Variants in SOS2 observed in about 807,000 individuals in gnomAD.
SOS2 encodes son of sevenless homolog 2.
SOS2 carries 65 observed loss-of-function variants against 148.2 expected under a neutral mutation model. The ratio of observed to expected loss-of-function variants is 0.44; its 90% CI spans 0.36 to 0.54. SOS2 has a LOEUF of 0.54. Among genes scored for constraint, SOS2 ranks in the 20% least tolerant of loss-of-function variants. The probability of loss-of-function intolerance (pLI) is 0.00; values close to 1 mark genes in which losing one functional copy is unlikely to be tolerated. For synonymous variants in SOS2, 539 were observed against 537.1 expected (o/e 1.00, Z -0.05); for missense variants, 1,341 against 1,590.2 (o/e 0.84, Z 2.67).
At position 50,215,829 on chromosome 14, in the gene SOS2, G is replaced by C. The variant is rs141251069; in HGVS notation, c.88-11420C>G. ...CCTGATAAACCACTACATTTGACAA[G>C]TTATAGAAATGTTATTTCCTAATTT... On this transcript the variant is annotated intron_variant, in intron 1 of 22. Transcript: ENST00000216373. Among the ~76,000 whole-genome samples the C allele has an allele frequency of 1.1e-3, 165 of 152,232 alleles. 2 individuals are homozygous for C. Among genetic ancestry groups the C allele is most frequent in the African/African-American group, 3.0e-3 (123 of 41,556 alleles).
chr14:50,138,996 A>G (rs1365230947), intron 17 of SOS2, among the ~76,000 whole-genome samples: 1 of 152,134 alleles, frequency 6.6e-6, no homozygotes, highest in Non-Finnish European at 1.5e-5. Flanking sequence ...AAAAGAAAAT[A>G]AAAGCTACTG....
Position 50,213,272 on chromosome 14 carries a change from G to A in SOS2, c.88-8863C>T, listed in dbSNP as rs1428277292. ...TGCAATGGGATGAAAATCTTGATAGGATATTTAGAAAACTGGTAAAAAGTT... is the reference window on the plus strand; with the variant it reads ...TGCAATGGGATGAAAATCTTGATAGAATATTTAGAAAACTGGTAAAAAGTT... On this transcript the variant is annotated intron_variant, in intron 1 of 22. Transcript: ENST00000216373. Among the ~76,000 whole-genome samples the A allele has an allele frequency of 2.0e-5, 3 of 152,250 alleles. No homozygotes were observed. In the East Asian group the frequency reaches 5.8e-4, roughly 29 times the overall value.
intron 14 of SOS2, 55 bp from the exon 15 acceptor site, chr14:50,145,651 A>G (rs1032833133): frequency 8.6e-6 from 10 of 1,165,864 alleles, no homozygotes; most frequent in Non-Finnish European, 1.2e-5. Flanking sequence ...TATTACTTAA[A>G]GATCTTCTAA....
At chr14:50,206,541 G>C (rs1421448423) in intron 1 of SOS2, among the ~76,000 whole-genome samples, 1 of 152,180 alleles carries the variant, frequency 6.6e-6, no homozygotes, top group Non-Finnish European at 1.5e-5. Flanking sequence ...AATGACAAGA[G>C]AAAAGTCTGT....
At chr14:50,164,647 AG>A (rs1885115877) in intron 8 of SOS2, among the ~76,000 whole-genome samples, 1 of 151,892 alleles carries the variant, frequency 6.6e-6, no homozygotes, top group South Asian at 2.1e-4. Context: ...AAAAAAAGAA[AG>A]AAAAAGAAAA....
At chr14:50,161,675 T>C (rs1206669613) in intron 8 of SOS2, 66 bp from the exon 9 acceptor site, 4 of 1,466,002 alleles carry the variant, frequency 2.7e-6, no homozygotes, top group Middle Eastern at 1.8e-4. Flanking sequence ...TTTCTAGTAA[T>C]AGAAAAAGCA....
At chr14:50,136,542 AG>A (rs1362172344) in intron 18 of SOS2, among the ~76,000 whole-genome samples, 3 of 152,084 alleles carry the variant, frequency 2.0e-5, no homozygotes, top group Admixed American at 1.3e-4. Flanking sequence ...GGGATGAAAT[AG>A]GTCACCATCA....
At position 50,150,129 on chromosome 14, in the gene SOS2, G is replaced by C. The variant is rs768066838; in HGVS notation, c.2263C>G (p.Pro755Ala). The C allele has an allele frequency of 1.2e-6, 2 of 1,612,756 alleles. No homozygotes were observed. Among genetic ancestry groups the C allele is most frequent in the Non-Finnish European group, 1.7e-6 (2 of 1,178,876 alleles). The change falls in exon 14 of 23, where the codon CCA becomes GCA. Residue 755 changes from proline (P) to alanine (A), a missense_variant. Coordinates refer to ENST00000216373, the MANE Select transcript of SOS2 (RefSeq NM_006939.4). ...GVSHNITFES[P>A]PPPIEWHISK... ...ATATGCCATTCAATTGGTGGAGGTG[G>C]ACTTTCAAAGGTAATATTATGGCTT...
chr14:50,130,531 A>C lies in SOS2; in HGVS notation c.3307T>G (p.Phe1103Val), dbSNP rs1227392390. ...GAGCTGTTGAGATCCACATCTAAAA[A>C]TACACTAAGGTCTGAAGAAGCAGAT... Reference protein sequence around the residue: ...PVSASSDLSVFLDVDLNSSCG... With the variant: ...PVSASSDLSVVLDVDLNSSCG... The change falls in exon 20 of 23, where the codon TTT becomes GTT. Residue 1103 changes from phenylalanine to valine, a missense_variant. Coordinates refer to ENST00000216373, the MANE Select transcript of SOS2 (RefSeq NM_006939.4). 1 of 1,614,064 alleles carries C rather than the reference A, an allele frequency of 6.2e-7. No homozygotes were observed. Among genetic ancestry groups the C allele is most frequent in the Admixed American group, 1.7e-5 (1 of 60,012 alleles).
Position 50,172,422 on chromosome 14 carries a change from T to TTTTTTTTTTA in SOS2, c.1068+2031_1068+2032insTAAAAAAAAA, listed in dbSNP as rs1885394894. 1.5e-5 allele frequency among the ~76,000 whole-genome samples: 2 copies of TTTTTTTTTTA among 131,876 alleles called. 1 individual carries two copies. Among genetic ancestry groups the TTTTTTTTTTA allele is most frequent in the Non-Finnish European group, 3.3e-5 (2 of 61,368 alleles). 86.5% of individuals were successfully genotyped at this position (131,876 alleles called of 152,430 possible). On this transcript the variant is annotated intron_variant, in intron 8 of 22. Transcript: ENST00000216373. ...GGTAGTTTCTCTTTATTCATTCCTTTTTTTTTTTTTTCTGAGATGGAGTCT... is the reference window on the plus strand; with the variant it reads ...GGTAGTTTCTCTTTATTCATTCCTTTTTTTTTTTTATTTTTTTTTTTCTGAGATGGAGTCT...
chr14:50,224,128 TA>T lies in SOS2; in HGVS notation c.87+7068del, dbSNP rs886850720. ...TGAAACCCCATTTCTACTAAAAATATAAAAAAAAAAAAATTAACCAGACGTG... is the reference window on the plus strand; with the variant it reads ...TGAAACCCCATTTCTACTAAAAATATAAAAAAAAAAAATTAACCAGACGTG... On this transcript the variant is annotated intron_variant, in intron 1 of 22. Coordinates refer to ENST00000216373, the MANE Select transcript of SOS2 (RefSeq NM_006939.4). 6.7e-3 allele frequency among the ~76,000 whole-genome samples: 913 copies of T among 137,120 alleles called. 6 individuals carry two copies. Among genetic ancestry groups the T allele is most frequent in the African/African-American group, 0.018 (674 of 37,368 alleles). The allele number at this position is 137,120 out of a possible 152,430, so 90.0% of individuals were successfully genotyped here.
At chr14:50,218,986 G>A (rs1255846358) in intron 1 of SOS2, among the ~76,000 whole-genome samples, 1 of 151,940 alleles carries the variant, frequency 6.6e-6, no homozygotes, top group Non-Finnish European at 1.5e-5. Context: ...GGTGGGGCGT[G>A]CCTGTAATCT....
At chr14:50,217,401 T>C (rs12885570) in intron 1 of SOS2, among the ~76,000 whole-genome samples, 48,044 of 152,034 alleles carry the variant, frequency 0.32, 8,808 homozygotes, top group Non-Finnish European at 0.42. Context: ...ATTTAAACTA[T>C]AAAATTTCTA....
At chr14:50,187,218 C>G (rs1407282889) in intron 5 of SOS2, among the ~76,000 whole-genome samples, 4 of 152,080 alleles carry the variant, frequency 2.6e-5, no homozygotes, top group Admixed American at 2.6e-4. Context: ...TGCTCTGTTA[C>G]CCAGGCTGGT....
intron 16 of SOS2, among the ~76,000 whole-genome samples, chr14:50,141,208 A>C (rs1163124685): frequency 7.5e-6 from 1 of 133,752 alleles, no homozygotes; most frequent in African/African-American, 2.8e-5. Flanking sequence ...TGTCTCAAAA[A>C]AAAAAAAAAA....
chr14:50,139,852 T>C (rs1884211748), intron 17 of SOS2, 90 bp downstream of exon 17: 2 of 598,506 alleles, frequency 3.3e-6, no homozygotes, highest in South Asian at 2.5e-5. Flanking sequence ...TGAGCTCAGA[T>C]ATAAAATAAA....
intron 5 of SOS2, among the ~76,000 whole-genome samples, 187 bp from the exon 6 acceptor site, chr14:50,182,793 C>T (rs910147198): frequency 1.2e-4 from 18 of 152,192 alleles, no homozygotes; most frequent in Non-Finnish European, 2.6e-4. Context: ...CATTGTCATG[C>T]CTTTGACTTC....
intron 4 of SOS2, among the ~76,000 whole-genome samples, chr14:50,190,813 T>C (rs546160937): frequency 6.6e-6 from 1 of 152,280 alleles, no homozygotes; most frequent in Non-Finnish European, 1.5e-5. Flanking sequence ...TTCTTGTCAT[T>C]GGAGACCATC....
intron 1 of SOS2, among the ~76,000 whole-genome samples, chr14:50,215,725 T>TA (rs146059135): frequency 0.21 from 32,303 of 151,204 alleles, 3,732 homozygotes; most frequent in East Asian, 0.44. Context: ...TAAAGTATAA[T>TA]AAAAAAAAAC....
Sources: allele counts gnomAD v4.1 joint callset (sites outside exome capture counted in the v4.1 genomes callset), GRCh38; gene constraint gnomAD v4.1.1; transcripts MANE v1.5; gene names NCBI Gene and HGNC (gene_info 2026-07-23, HGNC 2026-07-21).